RASAL1: variants seen among roughly 807,000 people sequenced by gnomAD.
The protein encoded by RASAL1 is rasGAP-activating-like protein 1.
RASAL1 carries 72 observed loss-of-function variants against 96.6 expected under a neutral mutation model. The ratio of observed to expected loss-of-function variants is 0.75; its 90% confidence interval spans 0.62 to 0.91. The LOEUF is 0.91. Ranked by LOEUF, RASAL1 falls within the 40% of genes least tolerant of loss-of-function variation. The pLI is 0.00. For missense variants in RASAL1, 1,016 were observed against 1,072.5 expected (o/e 0.95, Z 0.74); for synonymous variants, 405 against 430.4 (o/e 0.94, Z 0.73).
In RASAL1 at chr12:113,103,995, AC is replaced by A. The variant is rs1295019075; in HGVS notation, c.2054del (p.Gly685ValfsTer59). On this transcript the variant is annotated frameshift_variant, in exon 18 of 21. Coordinates refer to ENST00000548055, the MANE Select transcript of RASAL1 (RefSeq NM_001301202.2). LOFTEE classifies it high-confidence loss of function. ...NPNKLAACHP[G>X]AFRSARWTCC... ...AGGTCCAGCGCGCGCTGCGGAAGGC[AC>A]CGGGGTGGCAGGCGGCCAGCTTGTT... is the stretch of plus-strand genomic sequence containing the variant. 3 of 1,570,938 alleles carry A rather than the reference AC, an allele frequency of 1.9e-6. No homozygotes were observed. Among genetic ancestry groups the A allele is most frequent in the Non-Finnish European group, 2.6e-6 (3 of 1,157,040 alleles).
intron 4 of RASAL1, among the ~76,000 whole-genome samples, chr12:113,123,391 G>T (rs1951364892): frequency 6.6e-6 from 1 of 152,182 alleles, no homozygotes; most frequent in African/African-American, 2.4e-5. Context: ...AGGAGCAGGA[G>T]TTGGTTATTC....
In RASAL1 at chr12:113,128,067, G is replaced by A. The variant is rs753338670; in HGVS notation, c.234C>T (p.Val78=). 6.0e-5 allele frequency: 97 copies of A among 1,613,484 alleles called. No homozygotes were observed. In the Middle Eastern group the frequency reaches 8.2e-4, roughly 14 times the overall value. ...TTCCACTTTCCCCAACCACAAACCC[G>A]ACAGTGTCCTCATCCAGCACGTAGA... ...LAFYVLDEDT[V]GHDDIIGKIS... The change falls in exon 3 of 21, where the codon GTC becomes GTT. Residue 78 remains valine, a splice_region_variant and synonymous_variant. Coordinates refer to ENST00000548055, the MANE Select transcript of RASAL1 (RefSeq NM_001301202.2).
At chr12:113,127,527 G>A (rs181085497) in intron 4 of RASAL1, among the ~76,000 whole-genome samples, 133 of 152,260 alleles carry the variant, frequency 8.7e-4, no homozygotes, top group African/African-American at 3.1e-3. Context: ...GTGTGCACCT[G>A]TAATCCCAGC....
intron 2 of RASAL1, 67 bp from the exon 3 acceptor site, chr12:113,128,245 G>GACACACACACAC (rs4007310): frequency 3.9e-5 from 22 of 566,834 alleles, no homozygotes; most frequent in East Asian, 3.1e-4. Context: ...TGGAGACCCA[G>GACACACACACAC]ACACACACAC....
Position 113,099,636 on chromosome 12 carries a change from T to G in RASAL1, c.*293A>C. 1 of 282,480 alleles carries G rather than the reference T, an allele frequency of 3.5e-6. No individual in the cohort carries two copies. The highest frequency in any genetic ancestry group is 6.6e-6 in the Non-Finnish European group (1 of 152,436). 17.5% of individuals were successfully genotyped at this position (282,480 alleles called of 1,614,324 possible). On this transcript the variant is annotated 3_prime_UTR_variant, in exon 21 of 21. Transcript: ENST00000548055. ...CTCCTTGGTATGGATAGAGGCCAGT[T>G]TGGTGAAGTAGAGACCCCAGTCTCA...
chr12:113,119,504 C>T, intron 5 of RASAL1, 61 bp from the exon 6 acceptor site: 1 of 1,459,396 alleles, frequency 6.9e-7, no homozygotes, highest in Non-Finnish European at 9.4e-7. Context: ...CTTGGAAAGG[C>T]TGTTAAGAGT....
At chr12:113,106,712 C>T (rs1167365612) in intron 15 of RASAL1, among the ~76,000 whole-genome samples, 1 of 151,950 alleles carries the variant, frequency 6.6e-6, no homozygotes, top group Non-Finnish European at 1.5e-5. Flanking sequence ...GCTTATTTAT[C>T]TTGCTAATGG....
At position 113,135,417 on chromosome 12, in the gene RASAL1, C is replaced by A. The variant is rs780019986; in HGVS notation, c.46G>T (p.Ala16Ser). ...SLNVRVVEGR[A>S]LPAKDVSGSS... ...ACTCACACGTCCTTGGCAGGCAGCG[C>A]GCGGCCCTCCACCACGCGAACATTC... is the stretch of plus-strand genomic sequence containing the variant. The change falls in exon 1 of 21, where the codon GCG becomes TCG. Residue 16 changes from alanine (A) to serine (S), a missense_variant. Physicochemically the swap from Ala to Ser is moderately conservative, Grantham distance 99. Transcript: ENST00000548055. The surrounding 1 kb of genome is among the most constrained non-coding windows in gnomAD (Gnocchi z 5.7). 1 of 1,609,778 alleles carries A rather than the reference C, an allele frequency of 6.2e-7. No homozygotes were observed.
rs1269220225 is a variant in RASAL1 at position 113,127,794 on chromosome 12, C to T, written c.298+18G>A. ...TGGGCATGGCCCCCTCCTCCCTCTG[C>T]CCATGTCCCTCGCCCACCTCGGGGG... is the stretch of plus-strand genomic sequence containing the variant. On this transcript the variant is annotated intron_variant, in intron 4 of 20. Transcript: ENST00000548055. 1.2e-6 allele frequency: 2 copies of T among 1,605,848 alleles called. No homozygotes were observed. The highest frequency in any genetic ancestry group is 1.7e-6 in the Non-Finnish European group (2 of 1,173,650).
At chr12:113,113,760 C>T (rs999494459) in intron 12 of RASAL1, among the ~76,000 whole-genome samples, 2 of 152,166 alleles carry the variant, frequency 1.3e-5, no homozygotes, top group Non-Finnish European at 2.9e-5. Context: ...TTCCACAGCT[C>T]CAGGCTTGTG....
At chr12:113,116,292 C>T (rs562715658) in intron 8 of RASAL1, among the ~76,000 whole-genome samples, 58 of 152,130 alleles carry the variant, frequency 3.8e-4, no homozygotes, top group Non-Finnish European at 6.2e-4. Context: ...ATTGCTTGAA[C>T]CTGGCAGGCA....
At chr12:113,122,753 A>ATCCT (rs1304148208) in intron 4 of RASAL1, among the ~76,000 whole-genome samples, 1 of 152,218 alleles carries the variant, frequency 6.6e-6, no homozygotes, top group African/African-American at 2.4e-5. Context: ...ATGGAATCAT[A>ATCCT]TCCTTCCTTT....
At position 113,135,202 on chromosome 12, in the gene RASAL1, T is replaced by C. The variant is rs1490871868; in HGVS notation, c.65+196A>G. Among the ~76,000 whole-genome samples, 2 of 151,746 alleles carry C rather than the reference T, an allele frequency of 1.3e-5. No homozygotes were observed. Among genetic ancestry groups the C allele is most frequent in the East Asian group, 3.9e-4 (2 of 5,110 alleles). ...GGTGAGGCGGGGCATCTGCTAACTCTAGGCGCCCCCCTCCCACCGGGACAG... is the reference window on the plus strand; with the variant it reads ...GGTGAGGCGGGGCATCTGCTAACTCCAGGCGCCCCCCTCCCACCGGGACAG... On this transcript the variant is annotated intron_variant, in intron 1 of 20. Transcript: ENST00000548055. The surrounding 1 kb of genome is among the most constrained non-coding windows in gnomAD (Gnocchi z 5.7).
intron 2 of RASAL1, 91 bp from the exon 3 acceptor site, chr12:113,128,269 CACACACACACACGGGAATCCAG>C: frequency 1.3e-6 from 1 of 748,836 alleles, no homozygotes; most frequent in Non-Finnish European, 2.3e-6. Flanking sequence ...CACACACACA[CACACACACACACGGGAATCCAG>C]ACACACACAC....
Position 113,121,524 on chromosome 12 carries a change from T to C in RASAL1, c.413A>G (p.His138Arg). Residue 138 changes from histidine to arginine, a missense_variant, in exon 5 of 21, where the codon CAT (histidine) becomes CGT (arginine). Transcript: ENST00000548055. ...TTAAGCATACCTGGCCTGAAGCACA[T>C]GGCAGCGAAGGCAGCGGCCCTGCCC... ...EDGQGRCLRC[H>R]VLQARDLAPR... is the part of the protein sequence containing the mutation. The C allele has an allele frequency of 6.2e-7, 1 of 1,614,166 alleles. No individual in the cohort carries two copies. Among genetic ancestry groups the C allele is most frequent in the Non-Finnish European group, 8.5e-7 (1 of 1,180,028 alleles).
In RASAL1 at chr12:113,099,289, T is replaced by G. The variant is rs1950365156; in HGVS notation, c.*640A>C. ...GAAAACCACACATCTAGACTTTCCC[T>G]CCTCTTTTTATACAGGGTAATCTGA... is the stretch of plus-strand genomic sequence containing the variant. On this transcript the variant is annotated 3_prime_UTR_variant, in exon 21 of 21. Coordinates refer to ENST00000548055, the MANE Select transcript of RASAL1 (RefSeq NM_001301202.2). 6.6e-6 allele frequency: 1 copy of G among 152,132 alleles called. No homozygotes were observed. The highest frequency in any genetic ancestry group is 1.5e-5 in the Non-Finnish European group (1 of 68,028). The allele number at this position is 152,132 out of a possible 1,614,324, so 9.4% of individuals were successfully genotyped here.
At position 113,104,282 on chromosome 12, in the gene RASAL1, G is replaced by A. The variant is rs781218570; in HGVS notation, c.1847C>T (p.Pro616Leu). 9 of 1,573,740 alleles carry A rather than the reference G, an allele frequency of 5.7e-6. No individual in the cohort carries two copies. The African/African-American group carries it at 1.1e-4, about 19-fold the overall frequency. ...CTCCACGGCGCGGATGTGAGACACG[G>A]GGATGGAGTGACACATCTGGGGAAG... ...SPEWQMCHSIPVSHIRAVERV... is the reference protein window; with the variant it reads ...SPEWQMCHSILVSHIRAVERV... The change falls in exon 17 of 21, where the codon CCC becomes CTC. Residue 616 changes from proline to leucine, a missense_variant. Pro to Leu is a moderately conservative substitution (Grantham distance 98). Coordinates refer to ENST00000548055, the MANE Select transcript of RASAL1 (RefSeq NM_001301202.2).
At chr12:113,118,980 C>T in intron 7 of RASAL1, 148 bp downstream of exon 7, 1 of 1,010,680 alleles carries the variant, frequency 9.9e-7, no homozygotes, top group Non-Finnish European at 1.4e-6. Flanking sequence ...AGCAATGAAA[C>T]TGCAACACTC....
At chr12:113,120,414 A>C (rs1169953533) in intron 5 of RASAL1, among the ~76,000 whole-genome samples, 1 of 152,134 alleles carries the variant, frequency 6.6e-6, no homozygotes, top group Non-Finnish European at 1.5e-5. Context: ...ACCAGACTCT[A>C]GGAAGCCCCA....
Sources: allele counts gnomAD v4.1 joint callset (sites outside exome capture counted in the v4.1 genomes callset), GRCh38; gene constraint gnomAD v4.1.1; non-coding constraint Gnocchi (gnomAD v3.1); transcripts MANE v1.5; gene names NCBI Gene and HGNC (gene_info 2026-07-23, HGNC 2026-07-21).